The following EPHA6 variants were observed in gnomAD, a reference collection of about 807,000 sequenced individuals.
The protein encoded by EPHA6 is ephrin type-A receptor 6.
A neutral mutation model predicts 112.0 loss-of-function variants in EPHA6; 50 were observed. The ratio of observed to expected loss-of-function variants is 0.45; its 90% CI spans 0.36 to 0.56. EPHA6 has a LOEUF of 0.56. Among genes scored for constraint, EPHA6 ranks in the 20% least tolerant of loss-of-function variants. The pLI, the probability that EPHA6 is intolerant of heterozygous loss-of-function variation, is 0.00. For missense variants in EPHA6, 1,280 were observed against 1,417.4 expected, an observed-to-expected ratio of 0.90 and a Z score of 1.56; for synonymous variants, 529 against 490.7, an observed-to-expected ratio of 1.08 and a Z score of -1.03.
At chr3:97,643,590 G>T (rs960800584) in intron 14 of EPHA6, among the ~76,000 whole-genome samples, 3 of 149,446 alleles carry the variant, frequency 2.0e-5, no homozygotes, top group South Asian at 2.2e-4. Flanking sequence ...TAAAAGGATG[G>T]AGGAAGATCT....
chr3:97,435,607 A>C (rs915262973), intron 6 of EPHA6, among the ~76,000 whole-genome samples: 1 of 152,176 alleles, frequency 6.6e-6, no homozygotes, highest in African/African-American at 2.4e-5. Context: ...AATAGCATCC[A>C]TTACTCGCTC....
At chr3:97,048,188 A>G (rs2045574120) in intron 3 of EPHA6, among the ~76,000 whole-genome samples, 1 of 152,236 alleles carries the variant, frequency 6.6e-6, no homozygotes, top group African/African-American at 2.4e-5. Context: ...AAGCTATGAC[A>G]AGCATATCAA....
At chr3:97,666,652 A>G (rs1466935190) in intron 14 of EPHA6, among the ~76,000 whole-genome samples, 1 of 152,154 alleles carries the variant, frequency 6.6e-6, no homozygotes, top group Non-Finnish European at 1.5e-5. Context: ...AGCCCACCCT[A>G]CTTCAGTATG....
chr3:97,013,176 C>T (rs2044150385), intron 3 of EPHA6, among the ~76,000 whole-genome samples: 1 of 151,940 alleles, frequency 6.6e-6, no homozygotes. Context: ...TTCTCAAGTC[C>T]AGTATTCAGA....
At chr3:97,719,802 A>C (rs549662917) in intron 14 of EPHA6, among the ~76,000 whole-genome samples, 1 of 152,322 alleles carries the variant, frequency 6.6e-6, no homozygotes, top group African/African-American at 2.4e-5. Flanking sequence ...AAATTCTGGT[A>C]AGTATTGAAT....
chr3:96,816,773 C>G (rs557672508), intron 1 of EPHA6, among the ~76,000 whole-genome samples: 1 of 151,926 alleles, frequency 6.6e-6, no homozygotes, highest in East Asian at 1.9e-4. Context: ...CCTAAAGTGC[C>G]ATTCTGCCAA....
chr3:96,875,087 A>G (rs1474164439), intron 2 of EPHA6, among the ~76,000 whole-genome samples: 2 of 152,136 alleles, frequency 1.3e-5, no homozygotes, highest in Non-Finnish European at 2.9e-5. Flanking sequence ...AATTCCTTTT[A>G]TCTGGGCTGC....
intron 3 of EPHA6, among the ~76,000 whole-genome samples, chr3:97,221,018 T>C (rs1559807535): frequency 1.3e-5 from 2 of 151,668 alleles, no homozygotes; most frequent in Admixed American, 6.6e-5. Context: ...AAAGTAGAAA[T>C]TAAAAAGGTA....
At chr3:97,747,303 A>G (rs1457978331) in intron 16 of EPHA6, 120 bp from the exon 17 acceptor site, 53 of 866,696 alleles carry the variant, frequency 6.1e-5, no homozygotes, top group South Asian at 8.3e-5. Flanking sequence ...AGGCTTTCAA[A>G]TGGAGAATAA....
At chr3:97,690,750 G>A (rs898304371) in intron 14 of EPHA6, among the ~76,000 whole-genome samples, 6 of 152,272 alleles carry the variant, frequency 3.9e-5, no homozygotes, top group Middle Eastern at 3.4e-3. Context: ...TTACAGGTGT[G>A]AGCCACCATG....
chr3:97,663,772 G>A (rs1244236504), intron 14 of EPHA6, among the ~76,000 whole-genome samples: 1 of 152,032 alleles, frequency 6.6e-6, no homozygotes, highest in East Asian at 1.9e-4. Flanking sequence ...CTTTGCTATT[G>A]TGAATAGTGT....
At chr3:97,032,387 A>G (rs1235148943) in intron 3 of EPHA6, among the ~76,000 whole-genome samples, 3 of 152,214 alleles carry the variant, frequency 2.0e-5, no homozygotes, top group Admixed American at 2.0e-4. Context: ...AACATGGCAC[A>G]TGTGTACCTA....
chr3:97,077,192 A>C (rs1427619606), intron 3 of EPHA6, among the ~76,000 whole-genome samples: 1 of 152,182 alleles, frequency 6.6e-6, no homozygotes, highest in Non-Finnish European at 1.5e-5. Context: ...ACCATTTTAC[A>C]TGCCATTAGG....
intron 2 of EPHA6, among the ~76,000 whole-genome samples, chr3:96,965,797 G>A (rs2042103412): frequency 6.6e-6 from 1 of 152,024 alleles, no homozygotes; most frequent in Admixed American, 6.6e-5. Flanking sequence ...ATTTAAATCA[G>A]TATTCTTTGA....
intron 11 of EPHA6, among the ~76,000 whole-genome samples, chr3:97,590,699 G>T (rs1329851314): frequency 6.6e-6 from 1 of 151,966 alleles, no homozygotes; most frequent in East Asian, 1.9e-4. Flanking sequence ...TCCATAATCA[G>T]CTAAAATTGC....
intron 3 of EPHA6, among the ~76,000 whole-genome samples, chr3:97,046,518 A>G (rs1386896494): frequency 6.6e-6 from 1 of 152,212 alleles, no homozygotes; most frequent in Non-Finnish European, 1.5e-5. Context: ...ACTTTGTTCA[A>G]CGATTTGTTT....
At chr3:97,080,301 G>C (rs564095339) in intron 3 of EPHA6, among the ~76,000 whole-genome samples, 1 of 152,074 alleles carries the variant, frequency 6.6e-6, no homozygotes, top group African/African-American at 2.4e-5. Context: ...TTGGAAGTGT[G>C]GGGGAGGGAG....
rs2043081468 is a variant in EPHA6, at chr3:96,987,944, A to G, written c.1065A>G (p.Gly355=). The G allele has an allele frequency of 6.2e-7, 1 of 1,613,506 alleles. No individual in the cohort carries two copies. The highest frequency in any genetic ancestry group is 1.1e-5 in the South Asian group (1 of 91,044). The change falls in exon 3 of 18, where the codon GGA becomes GGG. Residue 355 remains glycine, a synonymous_variant. Transcript: ENST00000389672. ...ATGGAGATTGGCTGGTTCCTCTTGG[A>G]AGGTGCATCTGCAGTACAGGATATG... is the stretch of plus-strand genomic sequence containing the variant. ...GADGDWLVPL[G]RCICSTGYEE... is the part of the protein sequence containing the mutation.
intron 9 of EPHA6, chr3:97,481,557 G>A (rs1041020703): frequency 1.1e-5 from 8 of 704,548 alleles, no homozygotes; most frequent in African/African-American, 8.9e-5. Context: ...CCGCCGGGGC[G>A]CGGCGCGTCC....
Sources: gnomAD v4.1 joint callset for allele counts (sites outside exome capture counted in the v4.1 genomes callset) on GRCh38, gnomAD v4.1.1 for gene constraint, MANE v1.5 for transcripts, NCBI Gene and HGNC (gene_info 2026-07-23, HGNC 2026-07-21) for gene names.